Variants in IFT70A observed in about 807,000 individuals in gnomAD.
IFT70A encodes intraflagellar transport 70A.
the IFT70A span, chr2:177,613,153 T>C: frequency 6.6e-6 from 1 of 152,206 alleles, no homozygotes; most frequent in Non-Finnish European, 1.5e-5. Context: ...ATAGCTCTCC[T>C]CTGTTCTTTG....
chr2:177,614,912 A>C, the IFT70A span: 1 of 152,214 alleles, frequency 6.6e-6, no homozygotes, highest in Non-Finnish European at 1.5e-5. Context: ...TGTGGCTTTG[A>C]CCTTTTGGAA....
the IFT70A span, chr2:177,617,927 C>T: frequency 6.2e-7 from 1 of 1,614,168 alleles, no homozygotes; most frequent in African/African-American, 1.3e-5. Context: ...TATTCTATGG[C>T]TGCCTTAAGG....
chr2:177,617,645 A>C, the IFT70A span: 2 of 1,614,226 alleles, frequency 1.2e-6, no homozygotes. Context: ...GGTGTGAGGA[A>C]CTTATACGTC....
At chr2:177,617,383 T>C in the IFT70A span, 20 of 1,600,072 alleles carry the variant, frequency 1.2e-5, no homozygotes, top group South Asian at 2.2e-4. Context: ...CACCATTGGA[T>C]AATTTTCAAG....
At chr2:177,613,130 G>C in the IFT70A span, 1 of 152,136 alleles carries the variant, frequency 6.6e-6, no homozygotes, top group Non-Finnish European at 1.5e-5. Context: ...GCAGCGTCTT[G>C]GTCAAATCAT....
the IFT70A span, chr2:177,614,943 T>C: frequency 6.6e-6 from 1 of 152,166 alleles, no homozygotes; most frequent in African/African-American, 2.4e-5. Flanking sequence ...CTCTTCTCCT[T>C]GTATTAAATA....
At chr2:177,613,538 T>C in the IFT70A span, 2 of 152,206 alleles carry the variant, frequency 1.3e-5, no homozygotes, top group Admixed American at 6.5e-5. Flanking sequence ...GACTAAGACG[T>C]TGAGACTCTG....
At chr2:177,614,999 T>C in the IFT70A span, 8 of 152,382 alleles carry the variant, frequency 5.2e-5, no homozygotes, top group African/African-American at 1.7e-4. Flanking sequence ...GAGTTAGTTA[T>C]GGAAGTAGTT....
At chr2:177,617,229 A>C in the IFT70A span, 1 of 1,595,804 alleles carries the variant, frequency 6.3e-7, no homozygotes, top group Non-Finnish European at 8.5e-7. Flanking sequence ...TCAGGATGTT[A>C]TCATAATGCT....
At chr2:177,616,724 T>C in the IFT70A span, 1 of 1,533,538 alleles carries the variant, frequency 6.5e-7, no homozygotes, top group Non-Finnish European at 8.7e-7. Context: ...CATCCTATAA[T>C]CTCATAAATC....
the IFT70A span, chr2:177,617,522 T>C: frequency 1.9e-6 from 3 of 1,614,230 alleles, no homozygotes; most frequent in East Asian, 6.7e-5. Context: ...ACTTGCTTGG[T>C]GAGTCTCCGA....
the IFT70A span, chr2:177,616,586 T>C: frequency 1.0e-6 from 1 of 993,152 alleles, no homozygotes; most frequent in South Asian, 2.2e-5. Context: ...AAACTTGTTC[T>C]TACAAAGTGG....
the IFT70A span, chr2:177,615,657 T>G: frequency 6.6e-6 from 1 of 152,164 alleles, no homozygotes; most frequent in South Asian, 2.1e-4. Context: ...CCTAGCTGAT[T>G]TGCTTATATA....
chr2:177,613,357 A>G, the IFT70A span: 1 of 152,216 alleles, frequency 6.6e-6, no homozygotes, highest in Non-Finnish European at 1.5e-5. Flanking sequence ...TGTTGCTGTT[A>G]TGGTCTGATT....
the IFT70A span, chr2:177,617,019 C>G: frequency 6.2e-6 from 10 of 1,613,480 alleles, no homozygotes; most frequent in Admixed American, 1.7e-5. Context: ...AAATACCAAA[C>G]TCATAGTTTC....
the IFT70A span, chr2:177,617,795 T>A: frequency 6.2e-7 from 1 of 1,614,166 alleles, no homozygotes; most frequent in South Asian, 1.1e-5. Context: ...AACCCTTCTG[T>A]AGGCCTGGCA....
At chr2:177,618,288 C>T in the IFT70A span, 1 of 1,614,238 alleles carries the variant, frequency 6.2e-7, no homozygotes, top group Non-Finnish European at 8.5e-7. Flanking sequence ...CACTCAGCAG[C>T]TGCTCCACCA....
the IFT70A span, chr2:177,618,640 A>T: frequency 6.2e-7 from 1 of 1,609,498 alleles, no homozygotes; most frequent in Admixed American, 1.7e-5. Flanking sequence ...ATCGCGGATG[A>T]GCCGGTACAC....
At chr2:177,618,722 G>A in the IFT70A span, 6 of 1,524,586 alleles carry the variant, frequency 3.9e-6, no homozygotes, top group Admixed American at 2.1e-5. Context: ...GCTGTTATGC[G>A]TGCGGTTACC....
Sources: allele counts gnomAD v4.1 joint callset, GRCh38; gene constraint gnomAD v4.1.1; transcripts MANE v1.5; gene names NCBI Gene and HGNC (gene_info 2026-07-23, HGNC 2026-07-21).